Variants in LSM4 observed in about 807,000 individuals in gnomAD.
LSM4 encodes the protein LSM4 homolog, U6 small nuclear RNA and mRNA degradation associated, also known as U6 snRNA-associated Sm-like protein LSm4.
Under a neutral mutation model 22.3 loss-of-function variants are expected in LSM4, and 15 were observed. That is an observed-to-expected ratio of 0.67 (90% CI 0.45 to 1.03). The LOEUF (loss-of-function observed/expected upper bound fraction) is 1.03. Ranked by LOEUF, LSM4 falls within the 50% of genes least tolerant of loss-of-function variation. LSM4 has a pLI of 0.00. For missense variants in LSM4, 127 were observed against 198.0 expected, an observed-to-expected ratio of 0.64 and a Z score of 2.15; for synonymous variants, 90 against 79.8, an observed-to-expected ratio of 1.13 and a Z score of -0.68.
At chr19:18,313,861 T>G (rs1235253179) in intron 2 of LSM4, among the ~76,000 whole-genome samples, 2 of 152,070 alleles carry the variant, frequency 1.3e-5, no homozygotes, top group Non-Finnish European at 2.9e-5. Flanking sequence ...CTGTTGTTGC[T>G]CAGACTGGAG....
intron 4 of LSM4, among the ~76,000 whole-genome samples, chr19:18,308,662 T>G (rs961018299): frequency 1.3e-5 from 2 of 152,160 alleles, no homozygotes; most frequent in African/African-American, 4.8e-5. Context: ...AATCACGGTC[T>G]ACTCTGCAGA....
At chr19:18,314,384 A>AG (rs1970330654) in intron 2 of LSM4, among the ~76,000 whole-genome samples, 2 of 151,790 alleles carry the variant, frequency 1.3e-5, no homozygotes, top group Admixed American at 1.3e-4. Context: ...AAAATTAGCC[A>AG]GGCGTGGTGG....
chr19:18,310,562 C>T (rs1970287517), intron 3 of LSM4, among the ~76,000 whole-genome samples: 1 of 152,164 alleles, frequency 6.6e-6, no homozygotes, highest in African/African-American at 2.4e-5. Context: ...GCTGCAATGC[C>T]TCCGAGGCCC....
rs1034236775 is a variant in LSM4 at position 18,307,401 on chromosome 19, A to G, written c.*63T>C. ...CTTCCTTTCTGAGCAGATCCGTCCGAGACTGTGGAGCGGAATCGCCACCCT... is the reference window on the plus strand; with the variant it reads ...CTTCCTTTCTGAGCAGATCCGTCCGGGACTGTGGAGCGGAATCGCCACCCT... On this transcript the variant is annotated 3_prime_UTR_variant, in exon 5 of 5. Coordinates refer to ENST00000593829, the MANE Select transcript of LSM4 (RefSeq NM_012321.5). 2.9e-6 allele frequency: 4 copies of G among 1,375,730 alleles called. No individual in the cohort carries two copies. Among genetic ancestry groups the G allele is most frequent in the Admixed American group, 5.3e-5 (2 of 38,080 alleles). 85.2% of individuals were successfully genotyped at this position (1,375,730 alleles called of 1,614,324 possible). A position where few individuals can be genotyped will look rare whatever the true frequency, so the allele number is the denominator to read the frequency against.
At chr19:18,322,727 C>CTT (rs1284642837) in intron 1 of LSM4, among the ~76,000 whole-genome samples, 1 of 146,704 alleles carries the variant, frequency 6.8e-6, no homozygotes, top group Admixed American at 6.8e-5. Flanking sequence ...GGATCCCCAC[C>CTT]TTTTTTTTTT....
chr19:18,320,194 C>T (rs146942641), intron 1 of LSM4, among the ~76,000 whole-genome samples: 123 of 152,282 alleles, frequency 8.1e-4, no homozygotes, highest in African/African-American at 2.8e-3. Flanking sequence ...TCCTCAAAAT[C>T]TTAAAAGAAG....
chr19:18,309,618 G>T (rs749923130), intron 4 of LSM4, 60 bp downstream of exon 4: 3 of 1,502,736 alleles, frequency 2.0e-6, no homozygotes, highest in Admixed American at 2.2e-5. Flanking sequence ...CAAGAAGGAG[G>T]GATGCCACGT....
rs553928157 is a variant in LSM4 at position 18,316,566 on chromosome 19, G to A, written c.4-501C>T. Among the ~76,000 whole-genome samples the A allele has an allele frequency of 4.6e-5, 7 of 151,892 alleles. 1 individual carries two copies. The highest frequency in any genetic ancestry group is 2.1e-4 in the South Asian group (1 of 4,804). On this transcript the variant is annotated intron_variant, in intron 1 of 4. Coordinates refer to ENST00000593829, the MANE Select transcript of LSM4 (RefSeq NM_012321.5). ...TTTCACCATGTTGGCCAGGCTAGTC[G>A]CAAACTCCAGACCTCAGGTGATCCA...
intron 1 of LSM4, among the ~76,000 whole-genome samples, chr19:18,317,884 G>GTA (rs1970376898): frequency 6.6e-6 from 1 of 152,100 alleles, no homozygotes; most frequent in African/African-American, 2.4e-5. Context: ...CAAATATGTA[G>GTA]TATTTCTATT....
In LSM4 at chr19:18,307,526, T is replaced by A. The variant is rs748048279; in HGVS notation, c.358A>T (p.Ile120Phe). The change falls in exon 5 of 5, where the codon ATC (isoleucine) becomes TTC (phenylalanine). Residue 120 changes from isoleucine to phenylalanine, a missense_variant. Ile to Phe is a conservative substitution (Grantham distance 21). Transcript: ENST00000593829. ...GGCTGGCCTCTGCCTGTGCCCGGGA[T>A]CCCACCTCGGCCCCGGCCACCAAAC... is the stretch of plus-strand genomic sequence containing the variant. ...GVFGGRGRGGIPGTGRGQPEK... is the reference protein window; with the variant it reads ...GVFGGRGRGGFPGTGRGQPEK... 12 of 1,552,428 alleles carry A rather than the reference T, an allele frequency of 7.7e-6. No homozygotes were observed. The South Asian group carries it at 1.2e-4, about 16-fold the overall frequency.
At chr19:18,322,767 G>A (rs1158320643) in intron 1 of LSM4, among the ~76,000 whole-genome samples, 1 of 151,884 alleles carries the variant, frequency 6.6e-6, no homozygotes, top group Non-Finnish European at 1.5e-5. Context: ...TGCAAACTGG[G>A]AAAACTAACT....
At chr19:18,322,743 T>C (rs1970438382) in intron 1 of LSM4, among the ~76,000 whole-genome samples, 1 of 151,832 alleles carries the variant, frequency 6.6e-6, no homozygotes, top group African/African-American at 2.4e-5. Flanking sequence ...TTTTTTTACT[T>C]CAGTTTCCCC....
At chr19:18,318,313 T>C (rs890615495) in intron 1 of LSM4, among the ~76,000 whole-genome samples, 2 of 152,226 alleles carry the variant, frequency 1.3e-5, no homozygotes, top group African/African-American at 4.8e-5. Context: ...CCACAGCCCC[T>C]TCCTGAGAAG....
intron 4 of LSM4, chr19:18,309,273 A>C: frequency 5.8e-6 from 1 of 173,772 alleles, no homozygotes; most frequent in Non-Finnish European, 1.2e-5. Flanking sequence ...GGCAGGGGCT[A>C]CAGATGGCCC....
chr19:18,317,622 C>T (rs760063104), intron 1 of LSM4, among the ~76,000 whole-genome samples: 2 of 152,160 alleles, frequency 1.3e-5, no homozygotes, highest in East Asian at 1.9e-4. Flanking sequence ...GCTGGGATTA[C>T]AGGCGTGAGC....
rs1386977175 is a variant in LSM4 at position 18,309,765 on chromosome 19, C to T, written c.241G>A (p.Glu81Lys). The change falls in exon 4 of 5, where the codon GAG (glutamate) becomes AAG (lysine). Residue 81 changes from glutamate to lysine, a missense_variant. By Grantham distance (56) the Glu-to-Lys change is moderately conservative. Transcript: ENST00000593829. ...CCGCGGCCCTTGGCCACCACCTCCT[C>T]CTTGACCATGTCGATGATCTCGTCG... is the stretch of plus-strand genomic sequence containing the variant. ...IPDEIIDMVK[E>K]EVVAKGRGRG... 6.2e-7 allele frequency: 1 copy of T among 1,613,916 alleles called. No individual in the cohort carries two copies. The highest frequency in any genetic ancestry group is 8.5e-7 in the Non-Finnish European group (1 of 1,179,932).
At chr19:18,319,202 A>C (rs1484481126) in intron 1 of LSM4, among the ~76,000 whole-genome samples, 2 of 151,954 alleles carry the variant, frequency 1.3e-5, no homozygotes, top group African/African-American at 2.4e-5. Flanking sequence ...AGATTGCGCC[A>C]CTGCACTCCA....
In LSM4 at chr19:18,310,889, G is replaced by C. The variant is rs1158041808; in HGVS notation, c.145-1028C>G. On this transcript the variant is annotated intron_variant, in intron 3 of 4. Coordinates refer to ENST00000593829, the MANE Select transcript of LSM4 (RefSeq NM_012321.5). ...GGAACTTTCTGTTTCCGGAACACACGCCATGGGCTTGCCCCCAGAACTTTG... is the reference window on the plus strand; with the variant it reads ...GGAACTTTCTGTTTCCGGAACACACCCCATGGGCTTGCCCCCAGAACTTTG... 3.3e-5 allele frequency among the ~76,000 whole-genome samples: 5 copies of C among 152,178 alleles called. No homozygotes were observed. The South Asian group carries it at 1.0e-3, about 31-fold the overall frequency.
At chr19:18,318,995 C>T (rs1033602867) in intron 1 of LSM4, among the ~76,000 whole-genome samples, 2 of 152,260 alleles carry the variant, frequency 1.3e-5, no homozygotes, top group Non-Finnish European at 2.9e-5. Flanking sequence ...GTAATCTCGG[C>T]ACTTTGGGAG....
Sources: allele counts gnomAD v4.1 joint callset (sites outside exome capture counted in the v4.1 genomes callset), GRCh38; gene constraint gnomAD v4.1.1; transcripts MANE v1.5; gene names NCBI Gene and HGNC (gene_info 2026-07-23, HGNC 2026-07-21).